Variants in OR56A3 observed in about 807,000 individuals in gnomAD.
OR56A3 encodes the protein olfactory receptor family 56 subfamily A member 3, also known as olfactory receptor 56A3.
Under a neutral mutation model 17.5 loss-of-function variants are expected in OR56A3, and 23 were observed. The ratio of observed to expected loss-of-function variants is 1.32; its 90% CI spans 0.95 to 1.87. The LOEUF (loss-of-function observed/expected upper bound fraction) is 1.87. Among genes scored for constraint, OR56A3 ranks in the 40% most tolerant of loss-of-function variants. OR56A3 has a pLI of 0.00. For synonymous variants in OR56A3, 175 were observed against 150.6 expected (o/e 1.16, Z -1.19); for missense variants, 366 against 380.1 (o/e 0.96, Z 0.31).
chr11:5,953,744 T>C (rs1847919625), downstream of OR56A3, among the ~76,000 whole-genome samples: 3 of 152,234 alleles, frequency 2.0e-5, no homozygotes, highest in South Asian at 6.2e-4. Context: ...TCATTAACTC[T>C]ATTTTGTATT....
chr11:5,992,160 A>C, the OR56A3 span, among the ~76,000 whole-genome samples: 1 of 152,166 alleles, frequency 6.6e-6, no homozygotes, highest in African/African-American at 2.4e-5. Context: ...CCAGTAAATT[A>C]TTTAGTGGAT....
the OR56A3 span, chr11:6,002,893 G>A: frequency 1.2e-6 from 2 of 1,614,128 alleles, no homozygotes; most frequent in Non-Finnish European, 1.7e-6. Flanking sequence ...AGAAGGCTGA[G>A]GGGCAGAGAC....
chr11:5,999,137 C>T, the OR56A3 span, among the ~76,000 whole-genome samples: 12 of 152,120 alleles, frequency 7.9e-5, no homozygotes, highest in Admixed American at 7.9e-4. Context: ...TTTGGAGTTC[C>T]TACATGATAA....
downstream of OR56A3, among the ~76,000 whole-genome samples, chr11:5,952,501 CATT>C (rs1847913154): frequency 6.6e-6 from 1 of 150,486 alleles, no homozygotes. Context: ...CAAATAATTA[CATT>C]ATTATTGTTT....
the OR56A3 span, among the ~76,000 whole-genome samples, chr11:6,012,934 T>C: frequency 7.9e-5 from 12 of 152,228 alleles, no homozygotes; most frequent in Non-Finnish European, 1.8e-4. Context: ...CTCTGAGATC[T>C]GTGTAGGTTC....
At chr11:5,996,329 GA>G in the OR56A3 span, among the ~76,000 whole-genome samples, 1 of 152,094 alleles carries the variant, frequency 6.6e-6, no homozygotes, top group Admixed American at 6.6e-5. Flanking sequence ...TGGTCTTTCA[GA>G]TTTCATAATG....
At chr11:5,981,740 T>C in the OR56A3 span, among the ~76,000 whole-genome samples, 464 of 152,272 alleles carry the variant, frequency 3.0e-3, 3 homozygotes, top group African/African-American at 0.011. Flanking sequence ...TACCCTGTCT[T>C]TTTGAGTTGA....
the OR56A3 span, among the ~76,000 whole-genome samples, chr11:5,982,288 GT>G: frequency 6.6e-6 from 1 of 152,176 alleles, no homozygotes; most frequent in African/African-American, 2.4e-5. Flanking sequence ...TGACGTTGAG[GT>G]TTGTGTACGT....
At chr11:6,011,204 T>TATATA in the OR56A3 span, among the ~76,000 whole-genome samples, 37 of 122,524 alleles carry the variant, frequency 3.0e-4, no homozygotes, top group African/African-American at 6.7e-4. Context: ...GAGATTTATT[T>TATATA]TATATATATA....
the OR56A3 span, among the ~76,000 whole-genome samples, chr11:5,964,898 G>A: frequency 7.0e-6 from 1 of 142,154 alleles, no homozygotes; most frequent in African/African-American, 2.5e-5. Flanking sequence ...CCTGATGTTG[G>A]GGGAGGGGTA....
the OR56A3 span, chr11:5,986,058 A>T: frequency 9.3e-6 from 15 of 1,613,896 alleles, no homozygotes; most frequent in African/African-American, 1.5e-4. Flanking sequence ...CCAGAAGAAC[A>T]TGGACATGAT....
At chr11:6,002,871 G>A in the OR56A3 span, 1 of 1,614,060 alleles carries the variant, frequency 6.2e-7, no homozygotes, top group Non-Finnish European at 8.5e-7. Flanking sequence ...AGCTCCCATG[G>A]CCAGGAGGAA....
the OR56A3 span, among the ~76,000 whole-genome samples, chr11:5,982,899 G>C: frequency 6.6e-6 from 1 of 152,142 alleles, no homozygotes; most frequent in Non-Finnish European, 1.5e-5. Flanking sequence ...AATGAGACCT[G>C]GTGCTCAGCA....
At chr11:5,963,304 G>A in the OR56A3 span, among the ~76,000 whole-genome samples, 21 of 152,126 alleles carry the variant, frequency 1.4e-4, no homozygotes, top group East Asian at 3.9e-3. Flanking sequence ...CTTTATTCAT[G>A]TATGTGTTTA....
At chr11:5,960,652 T>C in the OR56A3 span, among the ~76,000 whole-genome samples, 1 of 152,172 alleles carries the variant, frequency 6.6e-6, no homozygotes, top group Non-Finnish European at 1.5e-5. Flanking sequence ...CCCAAAGTGC[T>C]GAGATTGCAG....
the OR56A3 span, among the ~76,000 whole-genome samples, chr11:5,981,116 T>C: frequency 2.0e-5 from 3 of 152,198 alleles, no homozygotes; most frequent in Non-Finnish European, 4.4e-5. Context: ...ATGACAACCT[T>C]GGAGAATCTG....
At chr11:5,954,248 T>A (rs1035273846), downstream of OR56A3, among the ~76,000 whole-genome samples, 1 of 152,198 alleles carries the variant, frequency 6.6e-6, no homozygotes. Flanking sequence ...TATTTAATTA[T>A]CCCAAATCTT....
the OR56A3 span, among the ~76,000 whole-genome samples, chr11:6,013,543 C>T: frequency 0.3 from 45,681 of 152,134 alleles, 8,064 homozygotes; most frequent in East Asian, 0.79. Context: ...ACCCAGTGCC[C>T]TCAGCAGGGT....
the OR56A3 span, chr11:5,986,032 A>G: frequency 1.2e-6 from 2 of 1,613,710 alleles, no homozygotes; most frequent in Non-Finnish European, 1.7e-6. Context: ...AGGTGGCATG[A>G]GGAGATACCG....
Sources: allele counts gnomAD v4.1 joint callset (sites outside exome capture counted in the v4.1 genomes callset), GRCh38; gene constraint gnomAD v4.1.1; transcripts MANE v1.5; gene names NCBI Gene and HGNC (gene_info 2026-07-23, HGNC 2026-07-21).